The following YPEL2 variants were observed in gnomAD, a reference collection of about 807,000 sequenced individuals.
YPEL2 encodes protein yippee-like 2.
Under a neutral mutation model 19.1 loss-of-function variants are expected in YPEL2, and 2 were observed. The ratio of observed to expected loss-of-function variants is 0.10; its 90% CI spans 0.04 to 0.33. YPEL2 has a LOEUF of 0.33. YPEL2 is among the 10% of genes least tolerant of loss of function. The pLI, the probability that YPEL2 is intolerant of heterozygous loss-of-function variation, is 1.00. For missense variants in YPEL2, 66 were observed against 140.7 expected, an observed-to-expected ratio of 0.47 and a Z score of 2.68; for synonymous variants, 52 against 50.0, an observed-to-expected ratio of 1.04 and a Z score of -0.17.
intron 4 of YPEL2, among the ~76,000 whole-genome samples, chr17:59,395,344 G>C (rs1429370332): frequency 6.6e-6 from 1 of 152,162 alleles, no homozygotes; most frequent in East Asian, 1.9e-4. Context: ...TGATACAACG[G>C]TGACCCAGAA....
intron 1 of YPEL2, among the ~76,000 whole-genome samples, chr17:59,337,390 C>A (rs904625153): frequency 6.6e-6 from 1 of 151,762 alleles, no homozygotes; most frequent in African/African-American, 2.4e-5. Context: ...GGGGTTTCAC[C>A]GTGTTAGCCA....
rs1246137516 is a variant in YPEL2 at position 59,353,465 on chromosome 17, G to A, written c.56G>A (p.Arg19Gln). 6.2e-7 allele frequency: 1 copy of A among 1,613,158 alleles called. No homozygotes were observed. The highest frequency in any genetic ancestry group is 2.2e-5 in the East Asian group (1 of 44,864). ...TFQAYLPSCH[R>Q]TYSCIHCRAH... ...CAGGCATATCTGCCCTCCTGCCACC[G>A]GACCTACAGCTGCATTCACTGCAGA... The change falls in exon 2 of 5, where the codon CGG becomes CAG. Residue 19 changes from arginine (R) to glutamine (Q), a missense_variant. Physicochemically the swap from Arg to Gln is conservative, Grantham distance 43. Transcript: ENST00000312655. This position sits in a 1 kb window ranked among gnomAD's most constrained non-coding sequence, Gnocchi z 4.8.
intron 2 of YPEL2, among the ~76,000 whole-genome samples, chr17:59,362,417 G>A (rs1429038764): frequency 1.3e-5 from 2 of 152,094 alleles, no homozygotes; most frequent in Non-Finnish European, 2.9e-5. Context: ...ACATAGAGTT[G>A]CTCACCAATT....
chr17:59,364,612 CTTTTTTTTTTTTT>C (rs56282847), intron 2 of YPEL2, among the ~76,000 whole-genome samples: 1 of 108,674 alleles, frequency 9.2e-6, no homozygotes, highest in Non-Finnish European at 1.8e-5. Context: ...CCCTCTGTGT[CTTTTTTTTTTTTT>C]TTTTTTTTTT....
In YPEL2 at chr17:59,372,229, A is replaced by T. The variant is rs1376888900; in HGVS notation, c.118-16098A>T. Among the ~76,000 whole-genome samples the T allele has an allele frequency of 9.2e-5, 14 of 152,204 alleles. 1 individual carries two copies. Among genetic ancestry groups the T allele is most frequent in the Admixed American group, 9.2e-4 (14 of 15,270 alleles). On this transcript the variant is annotated intron_variant, in intron 2 of 4. Transcript: ENST00000312655. ...TGTCTTGGAATAACCCTGGCCTCTG[A>T]ATTTTCCCAGAAGCCCTAGCCTGGG...
chr17:59,352,873 G>T lies in YPEL2; in HGVS notation c.-195-342G>T, dbSNP rs2047794313. Among the ~76,000 whole-genome samples the T allele has an allele frequency of 5.9e-5, 9 of 152,162 alleles. 1 individual carries two copies. In the South Asian group the frequency reaches 1.9e-3, roughly 32 times the overall value. On this transcript the variant is annotated intron_variant, in intron 1 of 4. Transcript: ENST00000312655. ...CACCTTGGTTGGCTCAGGAGAGGGG[G>T]TCCCTGAGGAGTCCTCTCCCTGGGG...
intron 4 of YPEL2, among the ~76,000 whole-genome samples, chr17:59,394,499 A>G (rs1598055819): frequency 7.3e-6 from 1 of 137,062 alleles, no homozygotes; most frequent in East Asian, 2.2e-4. Flanking sequence ...CTGGGCAGCC[A>G]GGCAGAGGGG....
chr17:59,379,485 A>G (rs187768549), intron 2 of YPEL2, among the ~76,000 whole-genome samples: 5 of 152,274 alleles, frequency 3.3e-5, no homozygotes, highest in African/African-American at 7.2e-5. Context: ...TTGTATCTCT[A>G]CCTACACACT....
At chr17:59,377,695 CA>C (rs1245405181) in intron 2 of YPEL2, among the ~76,000 whole-genome samples, 3 of 152,190 alleles carry the variant, frequency 2.0e-5, no homozygotes, top group African/African-American at 7.2e-5. Flanking sequence ...CAGCAGAGAA[CA>C]GCACACTGCC....
intron 1 of YPEL2, among the ~76,000 whole-genome samples, chr17:59,333,061 C>T (rs980768391): frequency 8.5e-5 from 13 of 152,242 alleles, no homozygotes; most frequent in African/African-American, 2.9e-4. Context: ...GCCTCACTGG[C>T]TCTGGGGTGG....
chr17:59,353,668 C>G lies in YPEL2; in HGVS notation c.117+142C>G. The G allele has an allele frequency of 1.4e-6, 1 of 728,372 alleles. No individual in the cohort carries two copies. Among genetic ancestry groups the G allele is most frequent in the Non-Finnish European group, 2.5e-6 (1 of 401,340 alleles). The allele number at this position is 728,372 out of a possible 1,614,324, so 45.1% of individuals were successfully genotyped here. On this transcript the variant is annotated intron_variant, in intron 2 of 4. Coordinates refer to ENST00000312655, the MANE Select transcript of YPEL2 (RefSeq NM_001005404.4). This position sits in a 1 kb window ranked among gnomAD's most constrained non-coding sequence, Gnocchi z 4.8. Reference sequence around the variant, plus strand: ...GGCTGACCCACGTGACCGTCTCACTCAACTGAGAAAAACTCTGAGTTGGAG... The same window carrying G: ...GGCTGACCCACGTGACCGTCTCACTGAACTGAGAAAAACTCTGAGTTGGAG...
chr17:59,373,183 T>C (rs970330757), intron 2 of YPEL2, among the ~76,000 whole-genome samples: 1 of 152,218 alleles, frequency 6.6e-6, no homozygotes, highest in Non-Finnish European at 1.5e-5. Context: ...TATTATTATA[T>C]GTTGCAAACA....
At chr17:59,381,475 A>G (rs543118102) in intron 2 of YPEL2, among the ~76,000 whole-genome samples, 5 of 152,296 alleles carry the variant, frequency 3.3e-5, no homozygotes, top group Non-Finnish European at 7.4e-5. Context: ...GAGGACCTGT[A>G]TCTATCACCA....
At chr17:59,379,767 T>C (rs1338685192) in intron 2 of YPEL2, among the ~76,000 whole-genome samples, 1 of 152,228 alleles carries the variant, frequency 6.6e-6, no homozygotes, top group Non-Finnish European at 1.5e-5. Context: ...ATGTGAATTA[T>C]ATCTCAATTT....
At chr17:59,367,031 T>G (rs892047239) in intron 2 of YPEL2, among the ~76,000 whole-genome samples, 1 of 152,166 alleles carries the variant, frequency 6.6e-6, no homozygotes, top group Non-Finnish European at 1.5e-5. Context: ...GTCTGACAAA[T>G]CTAGGTCACC....
At chr17:59,350,003 C>T (rs1323145919) in intron 1 of YPEL2, among the ~76,000 whole-genome samples, 2 of 152,108 alleles carry the variant, frequency 1.3e-5, no homozygotes, top group African/African-American at 2.4e-5. Flanking sequence ...TTCTACTTAC[C>T]TCCTCTCATT....
chr17:59,354,606 C>T (rs1329106800), intron 2 of YPEL2: 1 of 152,258 alleles, frequency 6.6e-6, no homozygotes, highest in African/African-American at 2.4e-5. Context: ...CCCAAACAAA[C>T]ACATCTGTAG....
intron 1 of YPEL2, among the ~76,000 whole-genome samples, chr17:59,333,124 C>T (rs762129479): frequency 2.0e-4 from 31 of 152,252 alleles, no homozygotes; most frequent in Non-Finnish European, 1.9e-4. Flanking sequence ...CTCTGGGGGC[C>T]ACAGGGCCTA....
At chr17:59,389,128 C>T in intron 3 of YPEL2, 4 of 527,364 alleles carry the variant, frequency 7.6e-6, no homozygotes, top group Admixed American at 3.1e-5. Context: ...AACTCTCAAC[C>T]ATAAAGATTA....
Sources: allele counts gnomAD v4.1 joint callset (sites outside exome capture counted in the v4.1 genomes callset), GRCh38; gene constraint gnomAD v4.1.1; non-coding constraint Gnocchi (gnomAD v3.1); transcripts MANE v1.5; gene names NCBI Gene and HGNC (gene_info 2026-07-23, HGNC 2026-07-21).